NECAB1: variants seen among roughly 807,000 people sequenced by gnomAD.
NECAB1 encodes N-terminal EF-hand calcium-binding protein 1.
NECAB1 carries 29 observed loss-of-function variants against 57.5 expected under a neutral mutation model. The observed-to-expected ratio is 0.50, with a 90% confidence interval of 0.38 to 0.69. NECAB1 has a LOEUF of 0.69. Ranked by LOEUF, NECAB1 falls within the 30% of genes least tolerant of loss-of-function variation. The pLI is 0.00. For synonymous variants in NECAB1, 142 were observed against 147.7 expected, an observed-to-expected ratio of 0.96 and a Z score of 0.28; for missense variants, 372 against 413.8, an observed-to-expected ratio of 0.90 and a Z score of 0.88.
In NECAB1 at chr8:90,814,484, T is replaced by C. The variant is rs1017846139; in HGVS notation, c.125-10233T>C. ...CCTCTTTGATGGTTGAGTATTTCCA[T>C]GAATTATTTAGAACCCTTCTGCATG... On this transcript the variant is annotated intron_variant, in intron 2 of 12. Coordinates refer to ENST00000417640, the MANE Select transcript of NECAB1 (RefSeq NM_022351.5). 2.0e-5 allele frequency among the ~76,000 whole-genome samples: 3 copies of C among 152,326 alleles called. No homozygotes were observed. The South Asian group carries it at 6.2e-4, about 32-fold the overall frequency.
chr8:90,811,832 A>C (rs989102161), intron 2 of NECAB1, among the ~76,000 whole-genome samples: 5 of 152,176 alleles, frequency 3.3e-5, no homozygotes, highest in Admixed American at 3.3e-4. Context: ...CCTTTACATT[A>C]ATTTTAGCAA....
At chr8:90,912,059 C>T (rs1809842947) in intron 5 of NECAB1, among the ~76,000 whole-genome samples, 1 of 152,152 alleles carries the variant, frequency 6.6e-6, no homozygotes, top group Non-Finnish European at 1.5e-5. Flanking sequence ...TCAGAGCCAG[C>T]TTCTTAACCA....
intron 5 of NECAB1, among the ~76,000 whole-genome samples, chr8:90,899,658 T>C (rs902397053): frequency 1.8e-4 from 28 of 152,304 alleles, no homozygotes; most frequent in African/African-American, 6.5e-4. Context: ...GTTTAAAATA[T>C]GTTGATGCTC....
In NECAB1 at chr8:90,824,698, T is replaced by C. The variant is rs749125291; in HGVS notation, c.125-19T>C. 1 of 1,434,980 alleles carries C rather than the reference T, an allele frequency of 7.0e-7. No individual in the cohort carries two copies. The allele number at this position is 1,434,980 out of a possible 1,614,324, so 88.9% of individuals were successfully genotyped here. ...ACAAAATTAAAATAATTTGTGTCTC[T>C]TTGTTCTTGCCATTTCAGATGATGG... On this transcript the variant is annotated intron_variant, in intron 2 of 12. Coordinates refer to ENST00000417640, the MANE Select transcript of NECAB1 (RefSeq NM_022351.5).
intron 11 of NECAB1, 76 bp from the exon 12 acceptor site, chr8:90,951,037 T>C (rs562147478): frequency 2.5e-6 from 2 of 789,076 alleles, no homozygotes; most frequent in South Asian, 5.5e-5. Context: ...GCCATCTTGA[T>C]CAAATTTGAT....
At chr8:90,902,815 T>C (rs1809541034) in intron 5 of NECAB1, among the ~76,000 whole-genome samples, 2 of 152,134 alleles carry the variant, frequency 1.3e-5, no homozygotes, top group African/African-American at 2.4e-5. Context: ...TGTGAGAAAA[T>C]ATGTCTCACA....
At chr8:90,939,945 T>C (rs1810628559) in intron 9 of NECAB1, among the ~76,000 whole-genome samples, 1 of 152,254 alleles carries the variant, frequency 6.6e-6, no homozygotes. Context: ...TTGTGTTTTG[T>C]TTTTGTTTAT....
Position 90,889,352 on chromosome 8 carries a change from G to C in NECAB1, c.357+8222G>C, listed in dbSNP as rs375726792. ...GTCACACAGCTGAGATGTGGATAGC[G>C]ATCTTAAGTTGATCCCTGTGAATTG... On this transcript the variant is annotated intron_variant, in intron 5 of 12. Transcript: ENST00000417640. 1.6e-4 allele frequency among the ~76,000 whole-genome samples: 25 copies of C among 152,298 alleles called. No homozygotes were observed. The East Asian group carries it at 3.5e-3, about 21-fold the overall frequency.
intron 10 of NECAB1, among the ~76,000 whole-genome samples, chr8:90,943,580 C>G (rs746150126): frequency 1.2e-4 from 18 of 152,294 alleles, no homozygotes; most frequent in African/African-American, 4.3e-4. Context: ...CAGTCATGCT[C>G]CAATGCACCC....
At chr8:90,919,847 G>A (rs1810060754) in intron 6 of NECAB1, among the ~76,000 whole-genome samples, 2 of 152,082 alleles carry the variant, frequency 1.3e-5, no homozygotes, top group South Asian at 4.2e-4. Flanking sequence ...GCTTGAAAAA[G>A]TGCTCTACTC....
chr8:90,926,429 A>G (rs1238322968), intron 7 of NECAB1, among the ~76,000 whole-genome samples: 1 of 152,120 alleles, frequency 6.6e-6, no homozygotes, highest in Admixed American at 6.6e-5. Flanking sequence ...TAATTTCCCT[A>G]TTTCTCCATT....
chr8:90,850,445 T>C (rs1812661867), intron 3 of NECAB1, among the ~76,000 whole-genome samples: 1 of 152,158 alleles, frequency 6.6e-6, no homozygotes, highest in Non-Finnish European at 1.5e-5. Context: ...CTTGAAAAGA[T>C]CTGGTGTAAT....
chr8:90,801,906 T>C (rs915399307), intron 2 of NECAB1, among the ~76,000 whole-genome samples, 191 bp downstream of exon 2: 23 of 152,224 alleles, frequency 1.5e-4, no homozygotes, highest in Admixed American at 1.3e-4. Flanking sequence ...GGATTTACAT[T>C]TGAAAGGAAT....
intron 2 of NECAB1, among the ~76,000 whole-genome samples, chr8:90,819,866 A>C (rs1293049806): frequency 6.6e-6 from 1 of 151,020 alleles, no homozygotes; most frequent in Non-Finnish European, 1.5e-5. Flanking sequence ...TTTTAGGGAG[A>C]ACATTTGGGG....
intron 3 of NECAB1, among the ~76,000 whole-genome samples, chr8:90,851,045 T>C (rs1376895957): frequency 6.6e-6 from 1 of 152,126 alleles, no homozygotes; most frequent in African/African-American, 2.4e-5. Context: ...GGGTCAATGA[T>C]TTACTCAACT....
intron 10 of NECAB1, among the ~76,000 whole-genome samples, chr8:90,947,761 G>A (rs7017683): frequency 0.59 from 90,394 of 152,110 alleles, 30,172 homozygotes; most frequent in African/African-American, 0.89. Flanking sequence ...TAAGGAAACC[G>A]AGGTTGAGTA....
chr8:90,849,372 G>A (rs973876778), intron 3 of NECAB1, among the ~76,000 whole-genome samples: 4 of 152,072 alleles, frequency 2.6e-5, no homozygotes, highest in Non-Finnish European at 5.9e-5. Context: ...GGGAGGCTGA[G>A]GTGGGAGGAT....
chr8:90,843,629 A>G (rs895410867), intron 3 of NECAB1, among the ~76,000 whole-genome samples: 7 of 152,246 alleles, frequency 4.6e-5, no homozygotes, highest in African/African-American at 1.7e-4. Context: ...GATCCCAAAG[A>G]TAATTCAACA....
At chr8:90,793,272 A>C (rs1378761014) in intron 1 of NECAB1, among the ~76,000 whole-genome samples, 1 of 152,080 alleles carries the variant, frequency 6.6e-6, no homozygotes, top group Non-Finnish European at 1.5e-5. Context: ...CAATAATTCA[A>C]ACTGTTGTAA....
Sources: allele counts gnomAD v4.1 joint callset (sites outside exome capture counted in the v4.1 genomes callset), GRCh38; gene constraint gnomAD v4.1.1; transcripts MANE v1.5; gene names NCBI Gene and HGNC (gene_info 2026-07-23, HGNC 2026-07-21).